CIITA: variants seen among roughly 807,000 people sequenced by gnomAD.
CIITA encodes the protein class II major histocompatibility complex transactivator.
CIITA carries 72 observed loss-of-function variants against 115.1 expected under a neutral mutation model. The ratio of observed to expected loss-of-function variants is 0.63; its 90% CI spans 0.52 to 0.76. The LOEUF is 0.76. CIITA is among the 30% of genes least tolerant of loss of function. The pLI is 0.00. For synonymous variants in CIITA, 763 were observed against 635.6 expected (o/e 1.20, Z -3.02); for missense variants, 1,617 against 1,463.8 (o/e 1.10, Z -1.71).
intron 1 of CIITA, among the ~76,000 whole-genome samples, chr16:10,867,256 A>G: frequency 6.8e-6 from 1 of 147,220 alleles, no homozygotes. Flanking sequence ...AAAAAAAAAT[A>G]GAGAAATGGG....
chr16:10,875,566 C>T (rs546396092), upstream of CIITA, among the ~76,000 whole-genome samples: 3 of 152,142 alleles, frequency 2.0e-5, no homozygotes, highest in Non-Finnish European at 4.4e-5. Flanking sequence ...GTTTCCAAAC[C>T]TTCATTTCAG....
At position 10,879,983 on chromosome 16, in the gene CIITA, A is replaced by G. The variant is rs1241549897; in HGVS notation, c.52+2601A>G. On this transcript the variant is annotated intron_variant, in intron 1 of 19. Coordinates refer to ENST00000324288, the MANE Select transcript of CIITA (RefSeq NM_000246.4). This position sits in a 1 kb window ranked among gnomAD's most constrained non-coding sequence, Gnocchi z 4.3. Reference sequence around the variant, plus strand: ...CCTGGAGTGTCTAACTTTGGCAGGAAGTCTTCCGTTTCTGCTCCCCACTCC... The same window carrying G: ...CCTGGAGTGTCTAACTTTGGCAGGAGGTCTTCCGTTTCTGCTCCCCACTCC... Among the ~76,000 whole-genome samples, 1 of 152,214 alleles carries G rather than the reference A, an allele frequency of 6.6e-6. No homozygotes were observed. The highest frequency in any genetic ancestry group is 1.5e-5 in the Non-Finnish European group (1 of 68,030).
rs1328265096 is a variant in CIITA, at chr16:10,907,073, G to A, written c.1581G>A (p.Gly527=). The change falls in exon 11 of 20, where the codon GGG becomes GGA. Residue 527 remains glycine (G), a synonymous_variant. Coordinates refer to ENST00000324288, the MANE Select transcript of CIITA (RefSeq NM_000246.4). The surrounding 1 kb of genome is among the most constrained non-coding windows in gnomAD (Gnocchi z 5.0). The part of the protein sequence containing the change: ...PAPAEPCSLR[G]LLAGLFQKKL... ...CGGCGGAGCCCTGCTCCCTCCGGGG[G>A]CTGCTGGCCGGCCTTTTCCAGAAGA... 3.7e-6 allele frequency: 6 copies of A among 1,607,312 alleles called. No homozygotes were observed. The highest frequency in any genetic ancestry group is 2.7e-5 in the African/African-American group (2 of 74,914).
At chr16:10,872,257 G>C (rs376418751), upstream of CIITA, among the ~76,000 whole-genome samples, 191 of 152,096 alleles carry the variant, frequency 1.3e-3, 1 homozygote, top group African/African-American at 4.5e-3. Flanking sequence ...CGAGTAGCTA[G>C]GATTACAGGC....
intron 1 of CIITA, among the ~76,000 whole-genome samples, chr16:10,884,471 G>A (rs1037908111): frequency 1.3e-5 from 2 of 152,152 alleles, no homozygotes; most frequent in Non-Finnish European, 2.9e-5. Flanking sequence ...TTGGAGTGCA[G>A]TGGCACAGTC....
At chr16:10,906,474 C>G (rs768123074) in intron 10 of CIITA, 25 bp from the exon 11 acceptor site, 2 of 1,610,704 alleles carry the variant, frequency 1.2e-6, no homozygotes, top group East Asian at 4.5e-5. Flanking sequence ...ATACCCCCAC[C>G]CTGACACGCC....
intron 1 of CIITA, among the ~76,000 whole-genome samples, chr16:10,885,497 C>A (rs1013895550): frequency 1.3e-5 from 2 of 152,208 alleles, no homozygotes; most frequent in Non-Finnish European, 2.9e-5. Flanking sequence ...CCTGTGACCT[C>A]CTCGTGCCAC....
intron 15 of CIITA, chr16:10,916,963 G>T (rs1005940031): frequency 1.9e-5 from 5 of 260,242 alleles, no homozygotes; most frequent in Non-Finnish European, 3.7e-5. Context: ...ATTCTAGTGA[G>T]GAGACACAAT....
In CIITA at chr16:10,906,978, C is replaced by G; in HGVS notation, c.1486C>G (p.Leu496Val). 1 of 1,612,198 alleles carries G rather than the reference C, an allele frequency of 6.2e-7. No individual in the cohort carries two copies. Among genetic ancestry groups the G allele is most frequent in the Non-Finnish European group, 8.5e-7 (1 of 1,179,912 alleles). Residue 496 changes from leucine to valine, a missense_variant, in exon 11 of 20, where the codon CTC becomes GTC. Physicochemically the swap from Leu to Val is conservative, Grantham distance 32. Transcript: ENST00000324288. ...CTTGAAGAGACCTGACCGCGTTCTG[C>G]TCATCCTAGACGGCTTCGAGGAGCT... ...HILKRPDRVLLILDGFEELEA... is the reference protein window; with the variant it reads ...HILKRPDRVLVILDGFEELEA...
intron 1 of CIITA, among the ~76,000 whole-genome samples, chr16:10,885,025 G>A (rs1198294626): frequency 1.3e-5 from 2 of 151,884 alleles, no homozygotes; most frequent in East Asian, 1.9e-4. Context: ...AATACCAAAG[G>A]GGCCATAATG....
intron 1 of CIITA, among the ~76,000 whole-genome samples, chr16:10,892,401 T>C (rs1208330530): frequency 1.3e-5 from 2 of 152,098 alleles, no homozygotes; most frequent in African/African-American, 2.4e-5. Context: ...GAGCTTACTC[T>C]TCAATGTATT....
chr16:10,867,326 G>GGT (rs1567343299), intron 1 of CIITA, among the ~76,000 whole-genome samples: 1 of 151,444 alleles, frequency 6.6e-6, no homozygotes, highest in Non-Finnish European at 1.5e-5. Context: ...TGTGTGTTGG[G>GGT]GGGGGGCATG....
chr16:10,899,301 G>A (rs916274294), intron 5 of CIITA, among the ~76,000 whole-genome samples: 1 of 152,050 alleles, frequency 6.6e-6, no homozygotes, highest in Non-Finnish European at 1.5e-5. Context: ...TAACCCATGT[G>A]CCCTTTCAAG....
intron 13 of CIITA, among the ~76,000 whole-genome samples, chr16:10,914,405 G>A (rs4781020): frequency 0.23 from 35,594 of 152,064 alleles, 4,805 homozygotes; most frequent in South Asian, 0.37. Flanking sequence ...GAATGAATTC[G>A]AGTGACCGTG....
rs538675279 is a variant in CIITA, at chr16:10,920,463, T to C, written c.3150-1704T>C. 8.7e-4 allele frequency among the ~76,000 whole-genome samples: 133 copies of C among 152,274 alleles called. No homozygotes were observed. The highest frequency in any genetic ancestry group is 3.1e-3 in the African/African-American group (130 of 41,554). On this transcript the variant is annotated intron_variant, in intron 16 of 19. Coordinates refer to ENST00000324288, the MANE Select transcript of CIITA (RefSeq NM_000246.4). The surrounding 1 kb of genome is among the most constrained non-coding windows in gnomAD (Gnocchi z 4.5). ...GGCTTCGCCATGTGGCCCAGACTGG[T>C]CTTGAAATCCTGGGCCCAAGCGATC...
At chr16:10,912,272 C>A (rs1693380580) in intron 13 of CIITA, among the ~76,000 whole-genome samples, 2 of 152,076 alleles carry the variant, frequency 1.3e-5, no homozygotes, top group Admixed American at 6.6e-5. Context: ...CACCACTACA[C>A]CTGGCTAATT....
chr16:10,891,548 A>C (rs1397767682), intron 1 of CIITA, among the ~76,000 whole-genome samples: 1 of 152,204 alleles, frequency 6.6e-6, no homozygotes, highest in African/African-American at 2.4e-5. Flanking sequence ...TCATTCACGG[A>C]GTTGCTAGGA....
rs775604104 is a variant in CIITA, at chr16:10,907,360, C to T, written c.1868C>T (p.Ala623Val). 2.4e-5 allele frequency: 39 copies of T among 1,613,400 alleles called. No homozygotes were observed. The highest frequency in any genetic ancestry group is 3.1e-5 in the Non-Finnish European group (37 of 1,179,994). ...CGGGCAGTGTGCCAGCTCTCAGAGG[C>T]CCTGCTGGAGCTTGGGGAGGACGCC... is the stretch of plus-strand genomic sequence containing the variant. ...LCRAVCQLSEALLELGEDAKL... is the reference protein window; with the variant it reads ...LCRAVCQLSEVLLELGEDAKL... Residue 623 changes from alanine to valine, a missense_variant, in exon 11 of 20, where the codon GCC (alanine) becomes GTC (valine). Physicochemically the swap from Ala to Val is moderately conservative, Grantham distance 64. Coordinates refer to ENST00000324288, the MANE Select transcript of CIITA (RefSeq NM_000246.4). The surrounding 1 kb of genome is among the most constrained non-coding windows in gnomAD (Gnocchi z 5.0).
chr16:10,899,877 T>C (rs2038533063), intron 5 of CIITA, among the ~76,000 whole-genome samples: 1 of 152,156 alleles, frequency 6.6e-6, no homozygotes. Flanking sequence ...GTCAGGAGTT[T>C]GATACCTGCC....
Sources: allele counts gnomAD v4.1 joint callset (sites outside exome capture counted in the v4.1 genomes callset), GRCh38; gene constraint gnomAD v4.1.1; non-coding constraint Gnocchi (gnomAD v3.1); transcripts MANE v1.5; gene names NCBI Gene and HGNC (gene_info 2026-07-23, HGNC 2026-07-21).